ATP10B: variants seen among roughly 807,000 people sequenced by gnomAD.
ATP10B encodes the protein phospholipid-transporting ATPase VB.
Under a neutral mutation model 141.2 loss-of-function variants are expected in ATP10B, and 122 were observed. The ratio of observed to expected loss-of-function variants is 0.86; its 90% CI spans 0.75 to 1.00. The LOEUF (loss-of-function observed/expected upper bound fraction) is 1.00. Among genes scored for constraint, ATP10B ranks in the 50% least tolerant of loss-of-function variants. The pLI is 0.00. For synonymous variants in ATP10B, 685 were observed against 692.0 expected, an observed-to-expected ratio of 0.99 and a Z score of 0.16; for missense variants, 1,876 against 1,825.3, an observed-to-expected ratio of 1.03 and a Z score of -0.51.
At chr5:160,823,077 G>C (rs1190828745) in intron 1 of ATP10B, among the ~76,000 whole-genome samples, 1 of 133,350 alleles carries the variant, frequency 7.5e-6, no homozygotes, top group African/African-American at 2.7e-5. Flanking sequence ...AAGGATAAAT[G>C]CTGAGGTGAT....
At chr5:160,738,085 G>A (rs1222112140) in intron 2 of ATP10B, among the ~76,000 whole-genome samples, 4 of 152,044 alleles carry the variant, frequency 2.6e-5, no homozygotes, top group African/African-American at 9.7e-5. Context: ...ATCATGCAGA[G>A]TATGCTTTCT....
chr5:160,696,478 G>A (rs568845918), intron 3 of ATP10B, among the ~76,000 whole-genome samples: 1 of 152,158 alleles, frequency 6.6e-6, no homozygotes, highest in Non-Finnish European at 1.5e-5. Context: ...TGACAGTATT[G>A]ATATGTTTTT....
intron 2 of ATP10B, among the ~76,000 whole-genome samples, chr5:160,727,158 C>T (rs1236926841): frequency 6.6e-6 from 1 of 152,140 alleles, no homozygotes; most frequent in African/African-American, 2.4e-5. Flanking sequence ...TAACTGAGAC[C>T]TGTCTTAGAT....
intron 13 of ATP10B, among the ~76,000 whole-genome samples, chr5:160,625,430 G>A (rs1430169424): frequency 2.6e-5 from 4 of 152,154 alleles, no homozygotes; most frequent in African/African-American, 9.7e-5. Context: ...TTTTTAGGGG[G>A]AGGGTACATA....
At chr5:160,567,161 A>G (rs1025903203) in intron 25 of ATP10B, among the ~76,000 whole-genome samples, 46 of 152,246 alleles carry the variant, frequency 3.0e-4, no homozygotes, top group African/African-American at 1.1e-3. Context: ...TCATTTATTC[A>G]ACAAATGCTT....
chr5:160,653,455 A>C (rs1761090302), intron 7 of ATP10B, among the ~76,000 whole-genome samples: 1 of 60,438 alleles, frequency 1.7e-5, no homozygotes, highest in Admixed American at 2.2e-4. Context: ...TAGGTAGTAT[A>C]TATACATATG....
intron 3 of ATP10B, among the ~76,000 whole-genome samples, chr5:160,703,105 A>G (rs953739461): frequency 5.3e-5 from 8 of 152,132 alleles, no homozygotes; most frequent in Admixed American, 4.6e-4. Context: ...GGAGGATGTG[A>G]CTGTGGGTAA....
the ATP10B span, among the ~76,000 whole-genome samples, chr5:160,879,587 C>T: frequency 2.0e-5 from 3 of 150,276 alleles, no homozygotes; most frequent in Non-Finnish European, 4.4e-5. Flanking sequence ...CGCCTGTAAT[C>T]CCACACTTTG....
chr5:160,625,238 C>A (rs1758550985), intron 13 of ATP10B, among the ~76,000 whole-genome samples: 1 of 152,198 alleles, frequency 6.6e-6, no homozygotes, highest in Admixed American at 6.5e-5. Flanking sequence ...CTATATCAGG[C>A]AAGATCCTGC....
chr5:160,767,239 T>A, intron 2 of ATP10B, among the ~76,000 whole-genome samples: 1 of 152,156 alleles, frequency 6.6e-6, no homozygotes, highest in South Asian at 2.1e-4. Flanking sequence ...AATATTCTCT[T>A]CTTTGAATTT....
In ATP10B at chr5:160,633,291, C is replaced by T. The variant is rs547487086; in HGVS notation, c.1382-924G>A. The T allele has an allele frequency of 2.0e-5, 3 of 152,348 alleles. No individual in the cohort carries two copies. In the South Asian group the frequency reaches 6.2e-4, roughly 32 times the overall value. 9.4% of individuals were successfully genotyped at this position (152,348 alleles called of 1,614,324 possible). On this transcript the variant is annotated intron_variant, in intron 12 of 25. Coordinates refer to ENST00000327245, the MANE Select transcript of ATP10B (RefSeq NM_025153.3). The stretch of plus-strand genomic sequence containing the variant: ...TTTATTGCAGCACTGTTCACAATAG[C>T]AAAGACTTGGAACCAACCCCAGTGC...
intron 1 of ATP10B, among the ~76,000 whole-genome samples, chr5:160,849,010 T>A (rs1157879011): frequency 6.6e-6 from 1 of 152,196 alleles, no homozygotes; most frequent in Admixed American, 6.5e-5. Context: ...GATTTCTGAG[T>A]GATCCCGAGT....
the ATP10B span, among the ~76,000 whole-genome samples, chr5:160,905,092 TACA>T: frequency 6.6e-6 from 1 of 152,208 alleles, no homozygotes. Context: ...ACCAAGCCCT[TACA>T]ACAACTCTGC....
At chr5:160,704,017 T>A (rs1176273888) in intron 3 of ATP10B, among the ~76,000 whole-genome samples, 2 of 152,106 alleles carry the variant, frequency 1.3e-5, no homozygotes, top group East Asian at 3.9e-4. Flanking sequence ...GGATCTTACT[T>A]TGTCACCCAG....
At chr5:160,814,233 CAA>C (rs550917879) in intron 1 of ATP10B, among the ~76,000 whole-genome samples, 143 of 148,556 alleles carry the variant, frequency 9.6e-4, no homozygotes, top group Middle Eastern at 3.5e-3. Flanking sequence ...TAAAAACCTT[CAA>C]AAAAAAAATT....
At chr5:160,842,395 T>C (rs560530843) in intron 1 of ATP10B, among the ~76,000 whole-genome samples, 1 of 152,116 alleles carries the variant, frequency 6.6e-6, no homozygotes, top group South Asian at 2.1e-4. Flanking sequence ...TAAAAACCAA[T>C]TGTTTAAGTA....
chr5:160,628,946 GA>G (rs200432432), intron 13 of ATP10B, among the ~76,000 whole-genome samples: 2 of 149,012 alleles, frequency 1.3e-5, no homozygotes, highest in South Asian at 2.1e-4. Context: ...TGTCATAAAA[GA>G]AAAAAAAACA....
At chr5:160,725,612 A>AT (rs1766289556) in intron 2 of ATP10B, among the ~76,000 whole-genome samples, 2 of 151,982 alleles carry the variant, frequency 1.3e-5, no homozygotes, top group East Asian at 1.9e-4. Flanking sequence ...CACCCGGCTG[A>AT]TTTTTTGTAT....
At chr5:160,892,560 A>G in the ATP10B span, among the ~76,000 whole-genome samples, 108 of 152,272 alleles carry the variant, frequency 7.1e-4, no homozygotes, top group Admixed American at 2.4e-3. Context: ...TAAACTATGA[A>G]CTACATTAAG....
Sources: gnomAD v4.1 joint callset for allele counts (sites outside exome capture counted in the v4.1 genomes callset) on GRCh38, gnomAD v4.1.1 for gene constraint, MANE v1.5 for transcripts, NCBI Gene and HGNC (gene_info 2026-07-23, HGNC 2026-07-21) for gene names.